The following PRKAR1A variants were observed in gnomAD, a reference collection of about 807,000 sequenced individuals.
PRKAR1A encodes the protein cAMP-dependent protein kinase type I-alpha regulatory subunit.
Under a neutral mutation model 52.0 loss-of-function variants are expected in PRKAR1A, and 3 were observed. That is an observed-to-expected ratio of 0.06 (90% CI 0.03 to 0.15). PRKAR1A has a LOEUF of 0.15. Among genes scored for constraint, PRKAR1A ranks in the 10% least tolerant of loss-of-function variants. The probability of loss-of-function intolerance (pLI) is 1.00; values close to 1 mark genes in which losing one functional copy is unlikely to be tolerated. For synonymous variants in PRKAR1A, 188 were observed against 168.4 expected (o/e 1.12, Z -0.90); for missense variants, 240 against 477.4 (o/e 0.50, Z 4.63).
downstream of PRKAR1A, chr17:68,535,192 T>TG (rs1300045894): frequency 2.3e-6 from 1 of 444,092 alleles, no homozygotes; most frequent in Non-Finnish European, 4.5e-6. Flanking sequence ...CGAGTAAGAA[T>TG]GAAACGGTTG....
chr17:68,513,031 C>G (rs962971521), intron 1 of PRKAR1A: 2 of 152,244 alleles, frequency 1.3e-5, no homozygotes, highest in Non-Finnish European at 2.9e-5. Flanking sequence ...GTAGCCTTTC[C>G]TCTTCATAGC....
intron 8 of PRKAR1A, 98 bp downstream of exon 8, chr17:68,527,998 C>G: frequency 9.6e-7 from 1 of 1,042,540 alleles, no homozygotes; most frequent in Non-Finnish European, 1.5e-6. Context: ...ATAATTGCTA[C>G]TCATTCCCCC....
chr17:68,519,315 G>A (rs2085530602), intron 2 of PRKAR1A, among the ~76,000 whole-genome samples: 1 of 152,186 alleles, frequency 6.6e-6, no homozygotes, highest in Admixed American at 6.5e-5. Context: ...CCTCATGGCT[G>A]GGCAGGCCTC....
exon 12 of PRKAR1A, chr17:68,551,129 CTG>C (rs2086816339): frequency 8.1e-7 from 1 of 1,234,258 alleles, no homozygotes. Context: ...GGCTAAGGCA[CTG>C]GGGCCGAACT....
At chr17:68,542,268 TCA>T (rs2086334679) in intron 11 of PRKAR1A, 8 of 1,256,510 alleles carry the variant, frequency 6.4e-6, no homozygotes, top group African/African-American at 1.5e-5. Flanking sequence ...AACCCTGAAC[TCA>T]CAGCTCGGGA....
At chr17:68,513,775 G>C (rs928769687) in intron 1 of PRKAR1A, among the ~76,000 whole-genome samples, 1 of 152,060 alleles carries the variant, frequency 6.6e-6, no homozygotes, top group African/African-American at 2.4e-5. Context: ...TATCTTTTTG[G>C]TTTTCGTAAT....
At chr17:68,491,384 G>A in the PRKAR1A span, among the ~76,000 whole-genome samples, 36 of 152,258 alleles carry the variant, frequency 2.4e-4, no homozygotes, top group South Asian at 2.1e-4. Flanking sequence ...GAGCCACCGC[G>A]CCCAGCCAAA....
chr17:68,457,925 G>C, the PRKAR1A span, among the ~76,000 whole-genome samples: 2 of 152,190 alleles, frequency 1.3e-5, no homozygotes, highest in South Asian at 2.1e-4. Context: ...GGCCAGATCT[G>C]CTGGTTTCAG....
chr17:68,514,033 T>C (rs951471024), intron 1 of PRKAR1A, among the ~76,000 whole-genome samples: 2 of 152,244 alleles, frequency 1.3e-5, no homozygotes, highest in African/African-American at 4.8e-5. Flanking sequence ...AGAAGTGGCT[T>C]GTATAAATCT....
chr17:68,437,007 T>A, the PRKAR1A span, among the ~76,000 whole-genome samples: 29 of 138,658 alleles, frequency 2.1e-4, no homozygotes, highest in East Asian at 6.3e-4. Flanking sequence ...AAAAAAAAAA[T>A]ATATATATAT....
At chr17:68,505,615 C>A in the PRKAR1A span, among the ~76,000 whole-genome samples, 6 of 152,084 alleles carry the variant, frequency 3.9e-5, no homozygotes, top group Admixed American at 3.9e-4. Flanking sequence ...GAGTTTGAGA[C>A]CAGCCTGGGC....
the PRKAR1A span, among the ~76,000 whole-genome samples, chr17:68,424,294 C>T: frequency 6.6e-6 from 1 of 152,180 alleles, no homozygotes; most frequent in Non-Finnish European, 1.5e-5. Flanking sequence ...ACGCTGCGAC[C>T]GACCCGCAGA....
At chr17:68,444,842 C>T in the PRKAR1A span, among the ~76,000 whole-genome samples, 326 of 151,678 alleles carry the variant, frequency 2.1e-3, no homozygotes, top group South Asian at 0.011. Flanking sequence ...TTCTCTCCTT[C>T]CTTCTTCCCT....
Position 68,530,745 on chromosome 17 carries a change from A to G in PRKAR1A, c.*296A>G. On this transcript the variant is annotated 3_prime_UTR_variant, in exon 11 of 11. Coordinates refer to ENST00000589228, the MANE Select transcript of PRKAR1A (RefSeq NM_002734.5). ...GAGTGCCATGCTTTTTGGTGAGGGC[A>G]GATCCCAGCACCTATTGAATTACCA... 1.5e-6 allele frequency: 2 copies of G among 1,336,728 alleles called. No individual in the cohort carries two copies. The highest frequency in any genetic ancestry group is 9.6e-7 in the Non-Finnish European group (1 of 1,038,248). The allele number at this position is 1,336,728 out of a possible 1,614,324, so 82.8% of individuals were successfully genotyped here. A position where few individuals can be genotyped will look rare whatever the true frequency, so the allele number is the denominator to read the frequency against.
intron 11 of PRKAR1A, among the ~76,000 whole-genome samples, chr17:68,545,037 A>G (rs1045846067): frequency 6.6e-6 from 1 of 152,196 alleles, no homozygotes; most frequent in African/African-American, 2.4e-5. Context: ...CCTAATGTAT[A>G]TTTTCCAAAG....
the PRKAR1A span, among the ~76,000 whole-genome samples, chr17:68,466,975 A>T: frequency 2.0e-5 from 3 of 152,110 alleles, no homozygotes; most frequent in Non-Finnish European, 4.4e-5. Flanking sequence ...GTTTCTATGG[A>T]TTTATCTATT....
the PRKAR1A span, among the ~76,000 whole-genome samples, chr17:68,417,192 C>T: frequency 6.6e-6 from 1 of 152,154 alleles, no homozygotes; most frequent in African/African-American, 2.4e-5. Context: ...CTTCCCTCCC[C>T]TTAGGTGGAA....
rs2085708256 is a variant in PRKAR1A, at chr17:68,524,133, A to AT, written c.502+63dup. 9.5e-6 allele frequency: 15 copies of AT among 1,584,496 alleles called. No individual in the cohort carries two copies. The South Asian group carries it at 1.1e-4, about 12-fold the overall frequency. On this transcript the variant is annotated intron_variant, in intron 5 of 10. Transcript: ENST00000589228. ...ACGGGAGAGGAGGCGAGACTAGAGG[A>AT]TTTTTTTGGTTTTGTTTTATTGAAG...
At chr17:68,504,883 T>A in the PRKAR1A span, among the ~76,000 whole-genome samples, 2 of 152,248 alleles carry the variant, frequency 1.3e-5, no homozygotes, top group African/African-American at 4.8e-5. Flanking sequence ...GTTACCCTGA[T>A]GTGATTATTA....
Sources: allele counts gnomAD v4.1 joint callset (sites outside exome capture counted in the v4.1 genomes callset), GRCh38; gene constraint gnomAD v4.1.1; transcripts MANE v1.5; gene names NCBI Gene and HGNC (gene_info 2026-07-23, HGNC 2026-07-21).